Variants in DLG2 observed in about 807,000 individuals in gnomAD.
DLG2 encodes the protein discs large MAGUK scaffold protein 2.
In DLG2, 45 loss-of-function variants were observed where a neutral mutation model predicts 132.5. The ratio of observed to expected loss-of-function variants is 0.34; its 90% CI spans 0.27 to 0.44. DLG2 has a LOEUF of 0.44. DLG2 is among the 20% of genes least tolerant of loss of function. DLG2 has a pLI of 1.00. For missense variants in DLG2, 1,045 were observed against 1,196.9 expected (o/e 0.87, Z 1.87); for synonymous variants, 424 against 419.6 (o/e 1.01, Z -0.13).
At chr11:83,520,723 A>ATAGT (rs1286802568) in intron 21 of DLG2, among the ~76,000 whole-genome samples, 1 of 150,290 alleles carries the variant, frequency 6.7e-6, no homozygotes, top group Non-Finnish European at 1.5e-5. Flanking sequence ...AGATAGATAG[A>ATAGT]TAGATAGATA....
intron 3 of DLG2, among the ~76,000 whole-genome samples, chr11:85,398,852 G>C (rs2087709513): frequency 6.6e-6 from 1 of 152,168 alleles, no homozygotes; most frequent in African/African-American, 2.4e-5. Context: ...GAGGTACAAA[G>C]AGGAGCTGCT....
At chr11:85,167,588 T>C (rs1420817148) in intron 4 of DLG2, among the ~76,000 whole-genome samples, 3 of 152,090 alleles carry the variant, frequency 2.0e-5, no homozygotes, top group African/African-American at 7.2e-5. Flanking sequence ...AAGAAGAACC[T>C]GAACAAACAG....
At chr11:84,502,128 CT>C (rs11366192) in intron 7 of DLG2, among the ~76,000 whole-genome samples, 1,921 of 80,208 alleles carry the variant, frequency 0.024, 308 homozygotes, top group South Asian at 0.036. Context: ...CTCTCTTTCT[CT>C]CTTTCTCCTT....
At chr11:85,621,400 A>G (rs889002349) in intron 2 of DLG2, among the ~76,000 whole-genome samples, 2 of 152,242 alleles carry the variant, frequency 1.3e-5, no homozygotes, top group Non-Finnish European at 2.9e-5. Flanking sequence ...ATTATTTAAG[A>G]AATAAATTTT....
At chr11:84,849,074 T>C (rs1344407189) in intron 6 of DLG2, among the ~76,000 whole-genome samples, 1 of 152,098 alleles carries the variant, frequency 6.6e-6, no homozygotes, top group African/African-American at 2.4e-5. Flanking sequence ...CCTGGCAAGG[T>C]CACATGGAGA....
In DLG2 at chr11:84,820,708, C is replaced by T. The variant is rs866438010; in HGVS notation, c.358-285977G>A. ...TCAAGCATGCAGAATCAGTATTTATCCTTCAGATAAAGTGAAATACCTTTT... is the reference window on the plus strand; with the variant it reads ...TCAAGCATGCAGAATCAGTATTTATTCTTCAGATAAAGTGAAATACCTTTT... On this transcript the variant is annotated intron_variant, in intron 6 of 27. Coordinates refer to ENST00000376104, the MANE Select transcript of DLG2 (RefSeq NM_001142699.3). Among the ~76,000 whole-genome samples the T allele has an allele frequency of 1.7e-4, 26 of 150,840 alleles. 1 individual carries two copies. Among genetic ancestry groups the T allele is most frequent in the Middle Eastern group, 6.8e-3 (2 of 294 alleles).
chr11:83,518,206 A>T (rs1302558852), intron 21 of DLG2, among the ~76,000 whole-genome samples: 1 of 152,162 alleles, frequency 6.6e-6, no homozygotes, highest in Admixed American at 6.5e-5. Context: ...TTACCTACTC[A>T]AGCCTTGGCA....
intron 7 of DLG2, among the ~76,000 whole-genome samples, chr11:84,507,601 G>A (rs1398925540): frequency 6.6e-6 from 1 of 152,174 alleles, no homozygotes; most frequent in Non-Finnish European, 1.5e-5. Context: ...GATGTTGGCT[G>A]CAGGTTTATC....
chr11:85,456,377 T>C (rs1326536709), intron 3 of DLG2, among the ~76,000 whole-genome samples: 4 of 152,164 alleles, frequency 2.6e-5, no homozygotes, highest in Admixed American at 6.6e-5. Context: ...TTAGTCTACA[T>C]AGCAGTCTAT....
chr11:84,767,294 C>A (rs143556218), intron 6 of DLG2, among the ~76,000 whole-genome samples: 134 of 152,092 alleles, frequency 8.8e-4, no homozygotes, highest in African/African-American at 3.2e-3. Context: ...ATAAAATTAT[C>A]AGCTTCTAAA....
intron 7 of DLG2, among the ~76,000 whole-genome samples, chr11:84,408,573 A>G (rs1463680107): frequency 6.6e-6 from 1 of 152,128 alleles, no homozygotes; most frequent in Non-Finnish European, 1.5e-5. Flanking sequence ...TATGTGCACA[A>G]ATAATTATAA....
At chr11:85,519,516 G>A (rs1378759429) in intron 3 of DLG2, among the ~76,000 whole-genome samples, 1 of 152,144 alleles carries the variant, frequency 6.6e-6, no homozygotes, top group Non-Finnish European at 1.5e-5. Context: ...CCCCTGTTGT[G>A]TCTACAAAGT....
intron 18 of DLG2, among the ~76,000 whole-genome samples, chr11:83,766,592 C>G (rs1198228198): frequency 6.6e-6 from 1 of 151,744 alleles, no homozygotes; most frequent in Non-Finnish European, 1.5e-5. Context: ...TGTATTTTGC[C>G]AAGGTTATCT....
intron 15 of DLG2, among the ~76,000 whole-genome samples, chr11:83,899,422 G>A (rs2072761777): frequency 6.6e-6 from 1 of 152,144 alleles, no homozygotes; most frequent in African/African-American, 2.4e-5. Flanking sequence ...TTTTCACATT[G>A]GTCTCTGATA....
At chr11:84,986,178 T>G (rs1189637667) in intron 6 of DLG2, among the ~76,000 whole-genome samples, 1 of 151,922 alleles carries the variant, frequency 6.6e-6, no homozygotes, top group Non-Finnish European at 1.5e-5. Flanking sequence ...ACGAACACCT[T>G]TAGGCACATA....
chr11:84,171,409 C>T lies in DLG2; in HGVS notation c.574-7898G>A, dbSNP rs568601437. On this transcript the variant is annotated intron_variant, in intron 8 of 27. Coordinates refer to ENST00000376104, the MANE Select transcript of DLG2 (RefSeq NM_001142699.3). ...CTCATTCCATTCCCACCTTCTCATC[C>T]TTCCAAAGTCTCCAATGTTTATTAT... Among the ~76,000 whole-genome samples the T allele has an allele frequency of 1.2e-4, 18 of 152,210 alleles. 1 individual carries two copies. In the South Asian group the frequency reaches 3.7e-3, roughly 32 times the overall value.
chr11:83,740,867 A>C (rs966629008), intron 18 of DLG2, among the ~76,000 whole-genome samples: 1 of 152,166 alleles, frequency 6.6e-6, no homozygotes, highest in Non-Finnish European at 1.5e-5. Context: ...ATACTAAAAC[A>C]CATGGGGACA....
At chr11:85,011,331 T>G (rs2059131635) in intron 6 of DLG2, among the ~76,000 whole-genome samples, 1 of 152,206 alleles carries the variant, frequency 6.6e-6, no homozygotes, top group Admixed American at 6.5e-5. Flanking sequence ...TTTCCTCATT[T>G]TCTCCATGGA....
intron 3 of DLG2, among the ~76,000 whole-genome samples, chr11:85,422,533 T>G (rs1218875652): frequency 1.1e-5 from 1 of 88,506 alleles, no homozygotes; most frequent in African/African-American, 4.7e-5. Flanking sequence ...TTCCTGAAGT[T>G]TTTATTTTTT....
Sources: allele counts gnomAD v4.1 joint callset (sites outside exome capture counted in the v4.1 genomes callset), GRCh38; gene constraint gnomAD v4.1.1; transcripts MANE v1.5; gene names NCBI Gene and HGNC (gene_info 2026-07-23, HGNC 2026-07-21).